IFRD1: variants seen among roughly 807,000 people sequenced by gnomAD.
IFRD1 encodes interferon related developmental regulator 1.
A neutral mutation model predicts 52.9 loss-of-function variants in IFRD1; 35 were observed. The observed-to-expected ratio is 0.66, with a 90% CI of 0.51 to 0.88. IFRD1 has a LOEUF of 0.88. Among genes scored for constraint, IFRD1 ranks in the 40% least tolerant of loss-of-function variants. The pLI is 0.00. For synonymous variants in IFRD1, 184 were observed against 188.4 expected (o/e 0.98, Z 0.19); for missense variants, 517 against 550.8 (o/e 0.94, Z 0.61).
chr7:112,472,141 G>A (rs533688228), intron 9 of IFRD1, 78 bp from the exon 10 acceptor site: 4 of 1,423,948 alleles, frequency 2.8e-6, no homozygotes, highest in African/African-American at 1.4e-5. Flanking sequence ...GTATATGACT[G>A]TTTAGAAATT....
chr7:112,444,903 T>A (rs1237726723), intron 1 of IFRD1, among the ~76,000 whole-genome samples: 1 of 152,002 alleles, frequency 6.6e-6, no homozygotes, highest in Non-Finnish European at 1.5e-5. Context: ...TCATGCAATA[T>A]AACCATGTAA....
intron 1 of IFRD1, among the ~76,000 whole-genome samples, chr7:112,438,206 G>C (rs1010206303): frequency 6.6e-6 from 1 of 152,158 alleles, no homozygotes; most frequent in African/African-American, 2.4e-5. Flanking sequence ...ATCTCTCTAA[G>C]TGTTAAATCA....
At chr7:112,438,898 C>G (rs1278961340) in intron 1 of IFRD1, among the ~76,000 whole-genome samples, 1 of 152,092 alleles carries the variant, frequency 6.6e-6, no homozygotes, top group Non-Finnish European at 1.5e-5. Flanking sequence ...AAGTTAGCCA[C>G]CTGGGATACC....
At chr7:112,461,266 A>T (rs561614226) in intron 5 of IFRD1, 1 of 152,292 alleles carries the variant, frequency 6.6e-6, no homozygotes, top group African/African-American at 2.4e-5. Context: ...TTCTTTTAGA[A>T]GTTTTCATAG....
At chr7:112,462,719 G>A (rs1795472608) in intron 8 of IFRD1, among the ~76,000 whole-genome samples, 1 of 152,172 alleles carries the variant, frequency 6.6e-6, no homozygotes, top group Non-Finnish European at 1.5e-5. Context: ...ATGAAGGCAT[G>A]TGATGCTTCA....
intron 1 of IFRD1, among the ~76,000 whole-genome samples, chr7:112,434,246 A>C (rs1794618518): frequency 1.3e-5 from 2 of 152,178 alleles, no homozygotes; most frequent in Admixed American, 6.6e-5. Flanking sequence ...TGCTGTGTAT[A>C]GTTCTTTATT....
At chr7:112,448,143 GAAAGAAAAGTAAGAAAA>G (rs1470026288), upstream of IFRD1, among the ~76,000 whole-genome samples, 2 of 112,870 alleles carry the variant, frequency 1.8e-5, no homozygotes, top group Non-Finnish European at 3.9e-5. Context: ...AAAAAAAAAA[GAAAGAAAAGTAAGAAAA>G]AAAGAAAAGA....
At chr7:112,454,267 C>T (rs1231750103) in intron 1 of IFRD1, among the ~76,000 whole-genome samples, 1 of 151,866 alleles carries the variant, frequency 6.6e-6, no homozygotes, top group Non-Finnish European at 1.5e-5. Flanking sequence ...TATCTCGGCT[C>T]ACTGCAGTCT....
chr7:112,465,181 G>A (rs1795576369), intron 8 of IFRD1, among the ~76,000 whole-genome samples: 1 of 152,106 alleles, frequency 6.6e-6, no homozygotes, highest in Non-Finnish European at 1.5e-5. Flanking sequence ...TATAGATACA[G>A]AGCCACTGTG....
At position 112,476,108 on chromosome 7, in the gene IFRD1, T is replaced by G. The variant is rs1413796429; in HGVS notation, c.*589T>G. ...GCCAGAAAGGTTGCTAACCTTAACA[T>G]CTGAGAGCAGTAACACTGATTTTAT... On this transcript the variant is annotated 3_prime_UTR_variant, in exon 12 of 12. Transcript: ENST00000403825. 6.6e-6 allele frequency: 1 copy of G among 152,646 alleles called. No individual in the cohort carries two copies. The highest frequency in any genetic ancestry group is 2.4e-5 in the African/African-American group (1 of 41,448). The allele number at this position is 152,646 out of a possible 1,614,324, so 9.5% of individuals were successfully genotyped here.
At position 112,472,359 on chromosome 7, in the gene IFRD1, C is replaced by A; in HGVS notation, c.1170+12C>A. On this transcript the variant is annotated intron_variant, in intron 10 of 11. Coordinates refer to ENST00000403825, the MANE Select transcript of IFRD1 (RefSeq NM_001550.4). ...AGTACCACTTGCAGGTAAGTGTCATCCTTTCTACATATTTGCTTTTAAAGT... is the reference window on the plus strand; with the variant it reads ...AGTACCACTTGCAGGTAAGTGTCATACTTTCTACATATTTGCTTTTAAAGT... 1 of 1,613,872 alleles carries A rather than the reference C, an allele frequency of 6.2e-7. No homozygotes were observed. Among genetic ancestry groups the A allele is most frequent in the South Asian group, 1.1e-5 (1 of 91,072 alleles).
At chr7:112,474,566 C>T (rs537127420) in intron 11 of IFRD1, among the ~76,000 whole-genome samples, 4 of 152,168 alleles carry the variant, frequency 2.6e-5, no homozygotes, top group Non-Finnish European at 5.9e-5. Context: ...ACATACTTCT[C>T]TCTTTTGAAT....
intron 1 of IFRD1, among the ~76,000 whole-genome samples, chr7:112,443,571 A>G (rs1794946801): frequency 6.7e-6 from 1 of 149,428 alleles, no homozygotes. Context: ...ACCCATCTCA[A>G]AAAAAGCCCC....
At chr7:112,426,033 T>C (rs1794422130) in intron 1 of IFRD1, among the ~76,000 whole-genome samples, 1 of 152,148 alleles carries the variant, frequency 6.6e-6, no homozygotes. Context: ...TCTCTGGTAT[T>C]CCTCTCTCCT....
intron 8 of IFRD1, among the ~76,000 whole-genome samples, chr7:112,463,879 CACACACACACA>C (rs1227363942): frequency 7.4e-4 from 34 of 45,770 alleles, no homozygotes; most frequent in African/African-American, 4.2e-3. Flanking sequence ...CACACACACA[CACACACACACA>C]CACACCCCAC....
At chr7:112,464,183 T>A (rs1159603127) in intron 8 of IFRD1, among the ~76,000 whole-genome samples, 1 of 152,014 alleles carries the variant, frequency 6.6e-6, no homozygotes, top group African/African-American at 2.4e-5. Context: ...GAGTTTTGAA[T>A]TATTCAAGGC....
At chr7:112,475,028 G>C (rs3095024) in intron 11 of IFRD1, among the ~76,000 whole-genome samples, 1 of 151,506 alleles carries the variant, frequency 6.6e-6, no homozygotes, top group Non-Finnish European at 1.5e-5. Flanking sequence ...GCGTGATCTC[G>C]GCTCACTGCA....
chr7:112,423,840 C>T (rs1794372523), intron 1 of IFRD1, among the ~76,000 whole-genome samples: 4 of 152,032 alleles, frequency 2.6e-5, no homozygotes, highest in Non-Finnish European at 4.4e-5. Flanking sequence ...ATATGTGTTC[C>T]GTGGATTTAT....
intron 1 of IFRD1, among the ~76,000 whole-genome samples, chr7:112,425,702 A>G (rs577584788): frequency 5.3e-5 from 8 of 152,238 alleles, no homozygotes; most frequent in South Asian, 2.1e-4. Flanking sequence ...TGATCATATG[A>G]GTCAAATCCC....
Sources: allele counts gnomAD v4.1 joint callset (sites outside exome capture counted in the v4.1 genomes callset), GRCh38; gene constraint gnomAD v4.1.1; transcripts MANE v1.5; gene names NCBI Gene and HGNC (gene_info 2026-07-23, HGNC 2026-07-21).